VIT: variants seen among roughly 807,000 people sequenced by gnomAD.
VIT encodes the protein vitrin.
A neutral mutation model predicts 78.0 loss-of-function variants in VIT; 99 were observed. The observed-to-expected ratio is 1.27, with a 90% CI of 1.08 to 1.50. The LOEUF (loss-of-function observed/expected upper bound fraction) is 1.50. VIT is among the 40% of genes most tolerant of loss of function. The probability of loss-of-function intolerance (pLI) is 0.00; values close to 1 mark genes in which losing one functional copy is unlikely to be tolerated. For synonymous variants in VIT, 374 were observed against 334.3 expected (o/e 1.12, Z -1.29); for missense variants, 1,126 against 875.3 (o/e 1.29, Z -3.61).
intron 2 of VIT, among the ~76,000 whole-genome samples, chr2:36,728,273 C>T (rs1238836576): frequency 1.3e-5 from 2 of 151,938 alleles, no homozygotes; most frequent in African/African-American, 4.8e-5. Context: ...TTAGAGTATA[C>T]TCCTTCACTT....
chr2:36,769,915 T>G (rs911788517), intron 7 of VIT, among the ~76,000 whole-genome samples: 1 of 152,342 alleles, frequency 6.6e-6, no homozygotes, highest in Admixed American at 6.5e-5. Flanking sequence ...TATAGATATT[T>G]GCTGTGATAT....
chr2:36,749,707 A>G (rs1438414165), intron 4 of VIT, among the ~76,000 whole-genome samples: 1 of 152,208 alleles, frequency 6.6e-6, no homozygotes, highest in Non-Finnish European at 1.5e-5. Flanking sequence ...TGCCCAGGAC[A>G]GCTTTGAGAT....
chr2:36,814,229 G>T lies in VIT; in HGVS notation c.1950G>T (p.Glu650Asp), dbSNP rs746192577. 6.2e-7 allele frequency: 1 copy of T among 1,614,112 alleles called. No individual in the cohort carries two copies. The highest frequency in any genetic ancestry group is 8.5e-7 in the Non-Finnish European group (1 of 1,180,054). ...GCGTTGCCTGGGCTGCCCAAGAGGA[G>T]CTAGAAGTCATTGCCACTCACCCCG... ...AIGVAWAAQE[E>D]LEVIATHPAR... The change falls in exon 16 of 16, where the codon GAG (glutamate) becomes GAT (aspartate). Residue 650 changes from glutamate (E) to aspartate (D), a missense_variant. Transcript: ENST00000379242.
chr2:36,740,545 C>A (rs546898083), intron 3 of VIT, among the ~76,000 whole-genome samples: 1 of 152,292 alleles, frequency 6.6e-6, no homozygotes, highest in South Asian at 2.1e-4. Context: ...TTTAGCCACA[C>A]TTTACCGTGG....
At chr2:36,747,335 T>C in intron 4 of VIT, among the ~76,000 whole-genome samples, 1 of 152,180 alleles carries the variant, frequency 6.6e-6, no homozygotes, top group Non-Finnish European at 1.5e-5. Context: ...ATGTTGAGTG[T>C]AAGTCCAGAA....
chr2:36,725,461 G>C (rs1365916333), intron 2 of VIT, among the ~76,000 whole-genome samples: 1 of 152,008 alleles, frequency 6.6e-6, no homozygotes, highest in African/African-American at 2.4e-5. Context: ...AGGCAAACTA[G>C]CTCTCTGGGG....
intron 3 of VIT, among the ~76,000 whole-genome samples, chr2:36,730,664 T>G (rs1254706506): frequency 6.6e-6 from 1 of 152,230 alleles, no homozygotes; most frequent in Non-Finnish European, 1.5e-5. Context: ...CTTATACTCA[T>G]GTTCAGCAGT....
intron 12 of VIT, among the ~76,000 whole-genome samples, chr2:36,799,355 C>G (rs1357193353): frequency 6.6e-6 from 1 of 152,174 alleles, no homozygotes; most frequent in East Asian, 1.9e-4. Context: ...AGGTTCCCAC[C>G]TGAAACTGCC....
intron 6 of VIT, among the ~76,000 whole-genome samples, chr2:36,762,645 A>T (rs1242268531): frequency 6.6e-6 from 1 of 152,130 alleles, no homozygotes; most frequent in Admixed American, 6.5e-5. Context: ...AAACCATAGA[A>T]TTCCTTTAGT....
At chr2:36,755,955 A>AGTTTTT (rs1668735488) in intron 5 of VIT, among the ~76,000 whole-genome samples, 1 of 108,620 alleles carries the variant, frequency 9.2e-6, no homozygotes, top group Admixed American at 1.1e-4. Flanking sequence ...ACAACACAGT[A>AGTTTTT]TTTTTTTTTT....
intron 4 of VIT, among the ~76,000 whole-genome samples, chr2:36,746,794 T>C (rs1289235717): frequency 6.6e-6 from 1 of 152,144 alleles, no homozygotes; most frequent in Non-Finnish European, 1.5e-5. Context: ...CACAATTCAG[T>C]TTCATTCAGT....
intron 12 of VIT, among the ~76,000 whole-genome samples, chr2:36,795,383 T>C (rs1346030878): frequency 3.0e-5 from 2 of 67,468 alleles, no homozygotes. Flanking sequence ...TATTTTATTT[T>C]ATATTTTATT....
intron 13 of VIT, among the ~76,000 whole-genome samples, chr2:36,802,121 G>A (rs192452000): frequency 6.6e-6 from 1 of 152,324 alleles, no homozygotes; most frequent in Non-Finnish European, 1.5e-5. Flanking sequence ...TGTGATATCT[G>A]AGCCTTTGGG....
intron 3 of VIT, among the ~76,000 whole-genome samples, chr2:36,738,456 T>C (rs1667641456): frequency 6.6e-6 from 1 of 152,166 alleles, no homozygotes; most frequent in South Asian, 2.1e-4. Context: ...TAAACTAAAA[T>C]ATGTATTTTT....
rs151178751 is a variant in VIT, at chr2:36,761,515, C to T, written c.487+2469C>T. On this transcript the variant is annotated intron_variant, in intron 6 of 15. Transcript: ENST00000379242. The stretch of plus-strand genomic sequence containing the variant: ...CAGCACTTTGGGAGGCCGAGGCAGG[C>T]GGATCGCGAGGTCAGGAGATGGAGA... Among the ~76,000 whole-genome samples the T allele has an allele frequency of 5.4e-3, 822 of 152,098 alleles. 14 individuals carry two copies. The highest frequency in any genetic ancestry group is 0.018 in the African/African-American group (752 of 41,500).
At chr2:36,794,852 G>T (rs1320221028) in intron 12 of VIT, among the ~76,000 whole-genome samples, 1 of 152,056 alleles carries the variant, frequency 6.6e-6, no homozygotes, top group Non-Finnish European at 1.5e-5. Flanking sequence ...ATTTTTAAAA[G>T]AAATACCGTT....
rs147133831 is a variant in VIT at position 36,751,430 on chromosome 2, T to C, written c.276-3491T>C. On this transcript the variant is annotated intron_variant, in intron 4 of 15. Transcript: ENST00000379242. ...AAATAAATTCCTAGTTAGATCCACA[T>C]TGAGGATTAAAACTCATGCCCCCTT... Among the ~76,000 whole-genome samples, 353 of 152,236 alleles carry C rather than the reference T, an allele frequency of 2.3e-3. 1 individual carries two copies. The highest frequency in any genetic ancestry group is 7.6e-3 in the African/African-American group (315 of 41,566).
intron 12 of VIT, among the ~76,000 whole-genome samples, chr2:36,793,236 G>C (rs1665631183): frequency 1.3e-5 from 2 of 152,184 alleles, no homozygotes; most frequent in African/African-American, 4.8e-5. Flanking sequence ...AGCAGGAAGA[G>C]GTTCATGCAG....
chr2:36,804,476 C>A (rs981097002), intron 13 of VIT, among the ~76,000 whole-genome samples: 3 of 152,222 alleles, frequency 2.0e-5, no homozygotes, highest in African/African-American at 7.2e-5. Flanking sequence ...CTCTTGGAAA[C>A]AACATGGGGC....
Sources: allele counts gnomAD v4.1 joint callset (sites outside exome capture counted in the v4.1 genomes callset), GRCh38; gene constraint gnomAD v4.1.1; transcripts MANE v1.5; gene names NCBI Gene and HGNC (gene_info 2026-07-23, HGNC 2026-07-21).